Variants in CNTNAP2 observed in about 807,000 individuals in gnomAD.
The protein encoded by CNTNAP2 is contactin-associated protein-like 2.
CNTNAP2 carries 98 observed loss-of-function variants against 155.2 expected under a neutral mutation model. That is an observed-to-expected ratio of 0.63 (90% confidence interval 0.54 to 0.75). The LOEUF (loss-of-function observed/expected upper bound fraction) is 0.75, where lower values mean the gene tolerates loss of function less well. Ranked by LOEUF, CNTNAP2 falls within the 30% of genes least tolerant of loss-of-function variation. The pLI is 0.00. For missense variants in CNTNAP2, 1,727 were observed against 1,688.1 expected (o/e 1.02, Z -0.40); for synonymous variants, 651 against 631.2 (o/e 1.03, Z -0.47).
intron 22 of CNTNAP2, among the ~76,000 whole-genome samples, chr7:148,385,753 T>C (rs1799179250): frequency 9.6e-6 from 1 of 103,834 alleles, no homozygotes; most frequent in Non-Finnish European, 2.2e-5. Flanking sequence ...TTTTTTTTTT[T>C]TTTTTTTGGA....
At chr7:146,380,641 C>T (rs1325310770) in intron 1 of CNTNAP2, among the ~76,000 whole-genome samples, 3 of 151,868 alleles carry the variant, frequency 2.0e-5, no homozygotes, top group Non-Finnish European at 2.9e-5. Flanking sequence ...TTTTGCATTT[C>T]CCATTACTCT....
chr7:147,338,555 A>C (rs752918138), intron 9 of CNTNAP2, among the ~76,000 whole-genome samples: 10 of 152,142 alleles, frequency 6.6e-5, no homozygotes, highest in Non-Finnish European at 1.3e-4. Context: ...GTTAGAATTT[A>C]AGTAGTATAT....
At chr7:147,438,099 T>A (rs1797581759) in intron 10 of CNTNAP2, among the ~76,000 whole-genome samples, 1 of 152,124 alleles carries the variant, frequency 6.6e-6, no homozygotes, top group East Asian at 1.9e-4. Flanking sequence ...TGAATGCCGT[T>A]TATCTCTTTC....
In CNTNAP2 at chr7:147,747,318, A is replaced by G. The variant is rs1584935220; in HGVS notation, c.2098+108012A>G. On this transcript the variant is annotated intron_variant, in intron 13 of 23. Transcript: ENST00000361727. ...AATCACATCAGACTGGCATCTCTTC[A>G]TCTTTCTTCTTTCTTTTTGTGTTTG... Among the ~76,000 whole-genome samples, 4 of 152,024 alleles carry G rather than the reference A, an allele frequency of 2.6e-5. No individual in the cohort carries two copies. The South Asian group carries it at 8.3e-4, about 32-fold the overall frequency.
chr7:146,491,612 T>C (rs1021336893), intron 1 of CNTNAP2, among the ~76,000 whole-genome samples: 1 of 152,072 alleles, frequency 6.6e-6, no homozygotes. Flanking sequence ...CTTCGGTAAT[T>C]GGAGAGCGTT....
intron 3 of CNTNAP2, among the ~76,000 whole-genome samples, chr7:146,916,658 G>T (rs920905764): frequency 6.6e-6 from 1 of 152,004 alleles, no homozygotes; most frequent in South Asian, 2.1e-4. Flanking sequence ...TTGTATTTCT[G>T]TGGTAGCAGT....
chr7:146,859,612 G>A (rs745932427), intron 3 of CNTNAP2, among the ~76,000 whole-genome samples: 6 of 151,692 alleles, frequency 4.0e-5, no homozygotes, highest in Non-Finnish European at 8.8e-5. Flanking sequence ...GGCCAAGATC[G>A]CACACCGTTG....
chr7:147,699,189 T>C (rs974064903), intron 13 of CNTNAP2, among the ~76,000 whole-genome samples: 1 of 151,032 alleles, frequency 6.6e-6, no homozygotes, highest in Non-Finnish European at 1.5e-5. Flanking sequence ...TTAAGCAAGC[T>C]GAACGGGTTG....
At chr7:148,303,199 C>T (rs1797426070) in intron 21 of CNTNAP2, among the ~76,000 whole-genome samples, 1 of 152,140 alleles carries the variant, frequency 6.6e-6, no homozygotes, top group African/African-American at 2.4e-5. Flanking sequence ...ATTCCCACTC[C>T]TGAAATTTAA....
chr7:147,969,540 A>G (rs907410294), intron 14 of CNTNAP2, among the ~76,000 whole-genome samples: 2 of 152,176 alleles, frequency 1.3e-5, no homozygotes, highest in African/African-American at 4.8e-5. Context: ...TGACAGTCTC[A>G]TTAAGGCATT....
At chr7:148,280,533 A>G (rs1796957577) in intron 21 of CNTNAP2, among the ~76,000 whole-genome samples, 1 of 152,196 alleles carries the variant, frequency 6.6e-6, no homozygotes, top group Admixed American at 6.5e-5. Flanking sequence ...TCCAATGGGG[A>G]AACTGGGCAA....
At chr7:146,496,770 A>G (rs1380675266) in intron 1 of CNTNAP2, among the ~76,000 whole-genome samples, 1 of 152,206 alleles carries the variant, frequency 6.6e-6, no homozygotes, top group African/African-American at 2.4e-5. Context: ...ATGATATTTG[A>G]GAATAACAGC....
In CNTNAP2 at chr7:146,258,477, A is replaced by G. The variant is rs144382236; in HGVS notation, c.97+141504A>G. Among the ~76,000 whole-genome samples the G allele has an allele frequency of 5.7e-4, 87 of 152,334 alleles. 3 individuals carry two copies. The highest frequency in any genetic ancestry group is 2.0e-3 in the African/African-American group (85 of 41,576). The stretch of plus-strand genomic sequence containing the variant: ...ATTTTCCCAAATATTTATGCATACC[A>G]TATGTGTTATATTGTAAATAAAAAC... On this transcript the variant is annotated intron_variant, in intron 1 of 23. Transcript: ENST00000361727.
chr7:148,103,551 C>T (rs1804147907), intron 15 of CNTNAP2, among the ~76,000 whole-genome samples: 1 of 152,102 alleles, frequency 6.6e-6, no homozygotes, highest in Non-Finnish European at 1.5e-5. Context: ...TCATATATGT[C>T]CTGTGTCATC....
intron 1 of CNTNAP2, among the ~76,000 whole-genome samples, chr7:146,349,894 C>G (rs942403347): frequency 1.3e-5 from 2 of 151,976 alleles, no homozygotes; most frequent in Non-Finnish European, 2.9e-5. Context: ...CTCTGGCTAC[C>G]CTTAACATTT....
intron 3 of CNTNAP2, among the ~76,000 whole-genome samples, chr7:147,037,124 T>C (rs1046799565): frequency 6.6e-5 from 10 of 152,034 alleles, no homozygotes; most frequent in African/African-American, 2.4e-4. Context: ...GAAAACATAA[T>C]ATTATTGATT....
rs1433131525 is a variant in CNTNAP2, at chr7:147,422,165, ATATATAGTATGTATATATACAC to A, written c.1670+26408_1670+26429del. Among the ~76,000 whole-genome samples the A allele has an allele frequency of 1.7e-3, 249 of 147,954 alleles. 1 individual carries two copies. Among genetic ancestry groups the A allele is most frequent in the African/African-American group, 5.9e-3 (240 of 40,738 alleles). On this transcript the variant is annotated intron_variant, in intron 10 of 23. Transcript: ENST00000361727. Reference sequence around the variant, plus strand: ...TATATAGTATGTATATATACAGTATATATATAGTATGTATATATACACTATATAGTATGTATATATACACAAT... The same window carrying A: ...TATATAGTATGTATATATACAGTATATATATAGTATGTATATATACACAAT...
chr7:147,281,711 C>T (rs1805039335), intron 8 of CNTNAP2, among the ~76,000 whole-genome samples: 1 of 151,738 alleles, frequency 6.6e-6, no homozygotes. Flanking sequence ...CATTCATATT[C>T]ATAGAATATA....
At chr7:148,150,209 A>G (rs62471730) in intron 17 of CNTNAP2, among the ~76,000 whole-genome samples, 70,924 of 151,186 alleles carry the variant, frequency 0.47, 17,350 homozygotes, top group African/African-American at 0.61. Flanking sequence ...TCAGGAGTTC[A>G]AGACCATCCT....
Sources: gnomAD v4.1 joint callset for allele counts (sites outside exome capture counted in the v4.1 genomes callset) on GRCh38, gnomAD v4.1.1 for gene constraint, MANE v1.5 for transcripts, NCBI Gene and HGNC (gene_info 2026-07-23, HGNC 2026-07-21) for gene names.